ADAM32: variants seen among roughly 807,000 people sequenced by gnomAD.
The protein encoded by ADAM32 is disintegrin and metalloproteinase domain-containing protein 32.
A neutral mutation model predicts 114.9 loss-of-function variants in ADAM32; 89 were observed. The ratio of observed to expected loss-of-function variants is 0.77; its 90% CI spans 0.65 to 0.92. ADAM32 has a LOEUF of 0.92. ADAM32 is among the 40% of genes least tolerant of loss of function. The probability of loss-of-function intolerance (pLI) is 0.00; values close to 1 mark genes in which losing one functional copy is unlikely to be tolerated. For synonymous variants in ADAM32, 285 were observed against 307.5 expected, an observed-to-expected ratio of 0.93 and a Z score of 0.77; for missense variants, 870 against 932.8, an observed-to-expected ratio of 0.93 and a Z score of 0.88.
At chr8:39,170,056 A>G (rs1470927253) in intron 10 of ADAM32, 59 bp downstream of exon 10, 3 of 1,290,990 alleles carry the variant, frequency 2.3e-6, no homozygotes, top group African/African-American at 3.0e-5. Flanking sequence ...ATTTGACATG[A>G]TAGTATATAT....
At chr8:39,151,948 C>A (rs571046452) in intron 6 of ADAM32, among the ~76,000 whole-genome samples, 1 of 152,194 alleles carries the variant, frequency 6.6e-6, no homozygotes, top group South Asian at 2.1e-4. Flanking sequence ...CAGGCATGAG[C>A]CACCGTGCCT....
chr8:39,217,799 C>T (rs1040041974), intron 12 of ADAM32, among the ~76,000 whole-genome samples: 1 of 152,200 alleles, frequency 6.6e-6, no homozygotes, highest in African/African-American at 2.4e-5. Context: ...TGAGTTTCCT[C>T]AAAATAGCTA....
chr8:39,124,743 A>G (rs934899743), intron 2 of ADAM32, among the ~76,000 whole-genome samples: 2 of 152,028 alleles, frequency 1.3e-5, no homozygotes, highest in African/African-American at 4.8e-5. Context: ...TATCCAGTCT[A>G]TTGTTGATGG....
At chr8:39,225,860 T>C (rs1809331050) in intron 14 of ADAM32, among the ~76,000 whole-genome samples, 1 of 152,078 alleles carries the variant, frequency 6.6e-6, no homozygotes, top group African/African-American at 2.4e-5. Context: ...AATTTGAAGG[T>C]ATCAATGCAA....
rs1004189119 is a variant in ADAM32 at position 39,149,851 on chromosome 8, A to T, written c.337A>T (p.Thr113Ser). Residue 113 changes from threonine (T) to serine (S), a missense_variant, in exon 5 of 25, where the codon ACG (threonine) becomes TCG (serine). Physicochemically the swap from Thr to Ser is moderately conservative, Grantham distance 58 (BLOSUM62 1). Transcript: ENST00000379907. ...GYPDSMVTLS[T>S]CSGLRGILQF... is the part of the protein sequence containing the mutation. ...TCCAGATTCCATGGTCACACTCAGCACGTGCTCTGGACTAAGGTTGTTTTC... is the reference window on the plus strand; with the variant it reads ...TCCAGATTCCATGGTCACACTCAGCTCGTGCTCTGGACTAAGGTTGTTTTC... 6.2e-7 allele frequency: 1 copy of T among 1,611,260 alleles called. No individual in the cohort carries two copies. The highest frequency in any genetic ancestry group is 1.3e-5 in the African/African-American group (1 of 74,860).
intron 10 of ADAM32, among the ~76,000 whole-genome samples, chr8:39,176,094 C>T (rs546226466): frequency 1.3e-5 from 2 of 152,114 alleles, no homozygotes; most frequent in African/African-American, 4.8e-5. Context: ...ACTAGTCTAG[C>T]TAGTGGTTTA....
At chr8:39,134,554 T>C (rs1261299308) in intron 2 of ADAM32, among the ~76,000 whole-genome samples, 2 of 152,164 alleles carry the variant, frequency 1.3e-5, no homozygotes, top group African/African-American at 2.4e-5. Flanking sequence ...TCCTAGATTC[T>C]CTGTTTGACA....
chr8:39,262,880 T>A (rs975129892), intron 19 of ADAM32, among the ~76,000 whole-genome samples: 10 of 151,952 alleles, frequency 6.6e-5, no homozygotes, highest in Non-Finnish European at 1.3e-4. Flanking sequence ...TATTTTTTTT[T>A]AATTTTTAAT....
chr8:39,223,344 G>C (rs1809116474), intron 14 of ADAM32, 106 bp downstream of exon 14: 1 of 621,980 alleles, frequency 1.6e-6, no homozygotes, highest in Non-Finnish European at 2.4e-6. Flanking sequence ...GTTTTATATA[G>C]TATAAAATGT....
At chr8:39,280,006 G>A (rs946911739) in intron 22 of ADAM32, among the ~76,000 whole-genome samples, 6 of 152,194 alleles carry the variant, frequency 3.9e-5, no homozygotes, top group East Asian at 3.9e-4. Flanking sequence ...TCTGCACTGC[G>A]TGGTGCAGGC....
chr8:39,186,998 GA>G lies in ADAM32; in HGVS notation c.1008del (p.Lys336AsnfsTer10), dbSNP rs1806284442. On this transcript the variant is annotated frameshift_variant, in exon 11 of 25. Transcript: ENST00000379907. LOFTEE classifies it high-confidence loss of function. ...SLGISYDDPK[K>X]CQCSESTCIM... ...TGGGAATATCATATGACGACCCAAAGAAATGTCAATGTTCAGAATCCACCTG... is the reference window on the plus strand; with the variant it reads ...TGGGAATATCATATGACGACCCAAAGAATGTCAATGTTCAGAATCCACCTG... The G allele has an allele frequency of 6.2e-7, 1 of 1,613,096 alleles. No homozygotes were observed. Among genetic ancestry groups the G allele is most frequent in the African/African-American group, 1.3e-5 (1 of 74,892 alleles).
chr8:39,140,769 A>T (rs1362766132), intron 3 of ADAM32, among the ~76,000 whole-genome samples: 1 of 152,138 alleles, frequency 6.6e-6, no homozygotes, highest in Non-Finnish European at 1.5e-5. Flanking sequence ...TTTGGCTGTG[A>T]ATCTGTCTGG....
intron 2 of ADAM32, among the ~76,000 whole-genome samples, chr8:39,122,948 C>T (rs375803888): frequency 6.6e-6 from 1 of 152,186 alleles, no homozygotes; most frequent in East Asian, 1.9e-4. Context: ...AAGGTCTTTA[C>T]CTAACCCAAG....
In ADAM32 at chr8:39,187,310, C is replaced by T. The variant is rs968876780; in HGVS notation, c.1052+265C>T. On this transcript the variant is annotated intron_variant, in intron 11 of 24. Coordinates refer to ENST00000379907, the MANE Select transcript of ADAM32 (RefSeq NM_145004.7). ...TTTTTGAGATGGAGTCTCGCTCTTTCGCCCAGGCCAGACTGCAGTGGCGCT... is the reference window on the plus strand; with the variant it reads ...TTTTTGAGATGGAGTCTCGCTCTTTTGCCCAGGCCAGACTGCAGTGGCGCT... 4.5e-4 allele frequency among the ~76,000 whole-genome samples: 68 copies of T among 152,134 alleles called. 1 individual carries two copies. Among genetic ancestry groups the T allele is most frequent in the African/African-American group, 1.5e-3 (64 of 41,448 alleles).
At chr8:39,199,935 T>C (rs1416728062) in intron 11 of ADAM32, among the ~76,000 whole-genome samples, 1 of 152,208 alleles carries the variant, frequency 6.6e-6, no homozygotes, top group African/African-American at 2.4e-5. Flanking sequence ...TCCATGTCCC[T>C]ACAAAGGACA....
intron 1 of ADAM32, among the ~76,000 whole-genome samples, chr8:39,117,254 G>A (rs1291769576): frequency 1.3e-5 from 2 of 152,136 alleles, no homozygotes; most frequent in Non-Finnish European, 2.9e-5. Context: ...TCCTGAAGTT[G>A]TATATATTAT....
At chr8:39,200,998 C>A (rs112984404) in intron 11 of ADAM32, among the ~76,000 whole-genome samples, 53 of 152,222 alleles carry the variant, frequency 3.5e-4, no homozygotes, top group African/African-American at 1.2e-3. Context: ...TGTTTTGGTA[C>A]CAGTATCATG....
intron 22 of ADAM32, among the ~76,000 whole-genome samples, chr8:39,278,359 G>A (rs185387829): frequency 3.9e-4 from 60 of 152,192 alleles, no homozygotes; most frequent in Admixed American, 1.1e-3. Context: ...GGTGGTTTCC[G>A]GCTTTTCGGC....
intron 22 of ADAM32, among the ~76,000 whole-genome samples, chr8:39,279,469 A>C (rs537886001): frequency 6.6e-6 from 1 of 152,114 alleles, no homozygotes; most frequent in Admixed American, 6.5e-5. Context: ...GTTTTAGTAG[A>C]GACGGGGTTT....
Sources: allele counts gnomAD v4.1 joint callset (sites outside exome capture counted in the v4.1 genomes callset), GRCh38; gene constraint gnomAD v4.1.1; transcripts MANE v1.5; gene names NCBI Gene and HGNC (gene_info 2026-07-23, HGNC 2026-07-21).